Variants in NALCN observed in about 807,000 individuals in gnomAD.
NALCN encodes the protein sodium leak channel NALCN.
NALCN carries 111 observed loss-of-function variants against 225.3 expected under a neutral mutation model. The ratio of observed to expected loss-of-function variants is 0.49; its 90% confidence interval spans 0.42 to 0.58. The LOEUF is 0.58. Ranked by LOEUF, NALCN falls within the 20% of genes least tolerant of loss-of-function variation. NALCN has a pLI of 0.00. For synonymous variants in NALCN, 764 were observed against 769.0 expected (o/e 0.99, Z 0.11); for missense variants, 1,378 against 2,202.4 (o/e 0.63, Z 7.49).
intron 6 of NALCN, among the ~76,000 whole-genome samples, chr13:101,360,849 A>AAGAGGACAGGCATGCTACCCTTGGGC (rs2046232182): frequency 1.3e-5 from 2 of 152,152 alleles, no homozygotes; most frequent in African/African-American, 4.8e-5. Context: ...GTCTTAAGGG[A>AAGAGGACAGGCATGCTACCCTTGGGC]AGAGGACAGG....
At chr13:101,209,434 AC>A (rs2040441498) in intron 13 of NALCN, among the ~76,000 whole-genome samples, 1 of 152,108 alleles carries the variant, frequency 6.6e-6, no homozygotes, top group Non-Finnish European at 1.5e-5. Flanking sequence ...ATTCTGGGAA[AC>A]ATGAGTGTCC....
At chr13:101,277,655 C>T (rs1275069733) in intron 10 of NALCN, among the ~76,000 whole-genome samples, 1 of 152,100 alleles carries the variant, frequency 6.6e-6, no homozygotes, top group Non-Finnish European at 1.5e-5. Context: ...TGTATTTATT[C>T]TTTATTCATT....
Position 101,083,726 on chromosome 13 carries a change from G to C in NALCN, c.3568C>G (p.Leu1190Val). The C allele has an allele frequency of 6.2e-7, 1 of 1,613,682 alleles. No individual in the cohort carries two copies. The change falls in exon 31 of 44, where the codon CTT becomes GTT. Residue 1190 changes from leucine (L) to valine (V), a missense_variant. By Grantham distance (32) the Leu-to-Val change is conservative. This residue lies in a region of NALCN where 98 missense variants were observed against 156.6 expected (regional missense o/e 0.63). Coordinates refer to ENST00000251127, the MANE Select transcript of NALCN (RefSeq NM_052867.4). The part of the protein sequence containing the change: ...SRLKIAQPLH[L>V]PPRPDNDGFR... The stretch of plus-strand genomic sequence containing the variant: ...TTTTGGGTACCCGGGCGAGGCGGAA[G>C]ATGAAGAGGCTGTGCGATCTTCAGT...
chr13:101,370,666 G>A (rs1425382358), intron 6 of NALCN, among the ~76,000 whole-genome samples: 1 of 152,152 alleles, frequency 6.6e-6, no homozygotes, highest in African/African-American at 2.4e-5. Flanking sequence ...TAAACTCAGT[G>A]GGTAATAGCA....
chr13:101,310,222 G>A (rs2044291754), intron 7 of NALCN, among the ~76,000 whole-genome samples: 1 of 152,270 alleles, frequency 6.6e-6, no homozygotes, highest in Admixed American at 6.5e-5. Context: ...TACTCAAAAT[G>A]CTCCACGGGC....
chr13:101,360,120 CCTTT>C (rs1049602238), intron 6 of NALCN, among the ~76,000 whole-genome samples: 5 of 137,504 alleles, frequency 3.6e-5, no homozygotes, highest in East Asian at 2.1e-4. Flanking sequence ...CTTTTTCTTT[CCTTT>C]CTTTTTTCTT....
intron 7 of NALCN, among the ~76,000 whole-genome samples, chr13:101,314,554 C>T (rs753287945): frequency 6.6e-6 from 1 of 152,102 alleles, no homozygotes; most frequent in Admixed American, 6.6e-5. Context: ...TAGTAAAATA[C>T]AATCATATTT....
intron 7 of NALCN, among the ~76,000 whole-genome samples, chr13:101,342,693 C>G (rs1457800249): frequency 6.6e-6 from 1 of 152,142 alleles, no homozygotes; most frequent in Non-Finnish European, 1.5e-5. Context: ...TTTCAGAGTT[C>G]TTAAACATGA....
intron 10 of NALCN, among the ~76,000 whole-genome samples, chr13:101,264,763 T>C (rs1169415489): frequency 2.0e-5 from 3 of 152,206 alleles, no homozygotes; most frequent in African/African-American, 4.8e-5. Flanking sequence ...CTGGCTGGAA[T>C]GTAATATGTT....
At chr13:101,154,245 C>G (rs908562278) in intron 15 of NALCN, among the ~76,000 whole-genome samples, 1 of 152,178 alleles carries the variant, frequency 6.6e-6, no homozygotes, top group Non-Finnish European at 1.5e-5. Flanking sequence ...AGTCACATAG[C>G]TAGAAGTGGC....
chr13:101,363,415 A>G (rs77236537), intron 6 of NALCN, among the ~76,000 whole-genome samples: 219 of 152,224 alleles, frequency 1.4e-3, no homozygotes, highest in African/African-American at 5.0e-3. Flanking sequence ...ATGGAATAGA[A>G]AACCCAGAAA....
intron 10 of NALCN, among the ~76,000 whole-genome samples, chr13:101,271,984 G>C (rs2042800601): frequency 6.7e-6 from 1 of 148,268 alleles, no homozygotes; most frequent in African/African-American, 2.5e-5. Context: ...GTGTGTGCCT[G>C]TGTGCATGTG....
Position 101,315,641 on chromosome 13 carries a change from GAA to G in NALCN, c.800-23277_800-23276del, listed in dbSNP as rs1364852280. ...ACCCATTTAATATATAATCTCTCAA[GAA>G]AAGTCTTTAATGAAACTAATCTATG... On this transcript the variant is annotated intron_variant, in intron 7 of 43. Transcript: ENST00000251127. Among the ~76,000 whole-genome samples the G allele has an allele frequency of 2.6e-5, 4 of 152,204 alleles. No individual in the cohort carries two copies. The East Asian group carries it at 7.7e-4, about 29-fold the overall frequency.
At chr13:101,256,592 T>A (rs562192739) in intron 11 of NALCN, among the ~76,000 whole-genome samples, 3 of 152,084 alleles carry the variant, frequency 2.0e-5, no homozygotes, top group Non-Finnish European at 2.9e-5. Flanking sequence ...CTCTTCCCTC[T>A]CCCCTTTCTT....
At chr13:101,056,956 C>T (rs544344998) in intron 43 of NALCN, 1 of 152,278 alleles carries the variant, frequency 6.6e-6, no homozygotes, top group South Asian at 2.1e-4. Flanking sequence ...TCAGGAGGAA[C>T]CTAGATCTTC....
intron 6 of NALCN, among the ~76,000 whole-genome samples, chr13:101,354,901 G>A (rs1287047264): frequency 1.3e-5 from 2 of 152,110 alleles, no homozygotes; most frequent in Non-Finnish European, 2.9e-5. Context: ...AAATCTCATC[G>A]AAGTATACTC....
intron 7 of NALCN, among the ~76,000 whole-genome samples, chr13:101,344,789 A>G (rs766465328): frequency 6.6e-6 from 1 of 152,188 alleles, no homozygotes; most frequent in Non-Finnish European, 1.5e-5. Flanking sequence ...GTTGATGCAT[A>G]TTCACTAAGT....
At chr13:101,345,458 A>C in intron 6 of NALCN, 38 bp from the exon 7 acceptor site, 1 of 1,598,440 alleles carries the variant, frequency 6.3e-7, no homozygotes, top group Non-Finnish European at 8.5e-7. Flanking sequence ...CAATTTCAAC[A>C]ATCATAAATG....
chr13:101,185,727 C>A (rs977603630), intron 14 of NALCN, among the ~76,000 whole-genome samples: 1 of 152,194 alleles, frequency 6.6e-6, no homozygotes, highest in Admixed American at 6.5e-5. Context: ...ATGAAATAGC[C>A]TGCTGTTCTT....
Sources: allele counts gnomAD v4.1 joint callset (sites outside exome capture counted in the v4.1 genomes callset), GRCh38; gene constraint gnomAD v4.1.1; regional missense constraint gnomAD v4.1.1; transcripts MANE v1.5; gene names NCBI Gene and HGNC (gene_info 2026-07-23, HGNC 2026-07-21).